The following CHSY3 variants were observed in gnomAD, a reference collection of about 807,000 sequenced individuals.
CHSY3 encodes the protein chondroitin sulfate synthase 3.
In CHSY3, 35 loss-of-function variants were observed where a neutral mutation model predicts 67.2. That is an observed-to-expected ratio of 0.52 (90% CI 0.40 to 0.69). The LOEUF (loss-of-function observed/expected upper bound fraction) is 0.69, where lower values mean the gene tolerates loss of function less well. Among genes scored for constraint, CHSY3 ranks in the 30% least tolerant of loss-of-function variants. The probability of loss-of-function intolerance (pLI) is 0.00; values close to 1 mark genes in which losing one functional copy is unlikely to be tolerated. For missense variants in CHSY3, 1,069 were observed against 1,138.5 expected, an observed-to-expected ratio of 0.94 and a Z score of 0.88; for synonymous variants, 474 against 434.7, an observed-to-expected ratio of 1.09 and a Z score of -1.12.
chr5:130,009,266 C>A (rs763559588), intron 2 of CHSY3, among the ~76,000 whole-genome samples: 3 of 152,122 alleles, frequency 2.0e-5, no homozygotes, highest in Admixed American at 6.5e-5. Context: ...AAGAGAGGAC[C>A]TTTCAGCAGA....
chr5:130,069,866 T>C (rs1766004272), intron 2 of CHSY3, among the ~76,000 whole-genome samples: 1 of 152,144 alleles, frequency 6.6e-6, no homozygotes, highest in African/African-American at 2.4e-5. Flanking sequence ...AGAGAATTCC[T>C]CTGTCATAAA....
At chr5:129,937,646 A>G (rs1317085504) in intron 2 of CHSY3, among the ~76,000 whole-genome samples, 2 of 152,158 alleles carry the variant, frequency 1.3e-5, no homozygotes, top group Admixed American at 6.6e-5. Flanking sequence ...CCTGAAAAAA[A>G]AAAATAGTCA....
intron 2 of CHSY3, among the ~76,000 whole-genome samples, chr5:130,129,032 A>G (rs1187933904): frequency 2.6e-5 from 4 of 151,942 alleles, no homozygotes; most frequent in African/African-American, 4.8e-5. Flanking sequence ...TCAGGCAAAC[A>G]TTTATCTGCT....
chr5:129,948,649 A>T (rs1761936424), intron 2 of CHSY3, among the ~76,000 whole-genome samples: 1 of 152,190 alleles, frequency 6.6e-6, no homozygotes, highest in South Asian at 2.1e-4. Flanking sequence ...ATAAACATGT[A>T]TGTCCAAGTA....
At chr5:130,081,626 G>A (rs953555412) in intron 2 of CHSY3, among the ~76,000 whole-genome samples, 1 of 151,976 alleles carries the variant, frequency 6.6e-6, no homozygotes, top group Non-Finnish European at 1.5e-5. Context: ...TGAATCATGG[G>A]GGCAGGTTTT....
intron 2 of CHSY3, among the ~76,000 whole-genome samples, chr5:129,939,618 A>T (rs1761634446): frequency 6.6e-6 from 1 of 152,216 alleles, no homozygotes; most frequent in South Asian, 2.1e-4. Context: ...TAGAATATGG[A>T]AAGTCTTGTC....
intron 2 of CHSY3, among the ~76,000 whole-genome samples, chr5:129,978,527 A>G (rs73785833): frequency 0.025 from 3,847 of 152,282 alleles, 170 homozygotes; most frequent in African/African-American, 0.088. Context: ...CACCTGCTAC[A>G]TCTTATGTTC....
intron 2 of CHSY3, among the ~76,000 whole-genome samples, chr5:130,137,619 G>A (rs1479215082): frequency 1.3e-5 from 2 of 152,108 alleles, no homozygotes; most frequent in South Asian, 2.1e-4. Context: ...TTATTAACAT[G>A]TATCTAGGTC....
chr5:130,090,061 G>A (rs115295091), intron 2 of CHSY3, among the ~76,000 whole-genome samples: 96 of 152,076 alleles, frequency 6.3e-4, no homozygotes, highest in Middle Eastern at 3.4e-3. Flanking sequence ...TATAGTTCCC[G>A]CGGCTTGCCT....
At chr5:130,079,273 C>G (rs1173925400) in intron 2 of CHSY3, among the ~76,000 whole-genome samples, 1 of 152,074 alleles carries the variant, frequency 6.6e-6, no homozygotes, top group Non-Finnish European at 1.5e-5. Flanking sequence ...ACTTGTATTG[C>G]TTTTACCTCT....
chr5:130,184,360 T>G lies in CHSY3; in HGVS notation c.1218T>G (p.His406Gln). The G allele has an allele frequency of 6.2e-7, 1 of 1,614,134 alleles. No individual in the cohort carries two copies. The highest frequency in any genetic ancestry group is 8.5e-7 in the Non-Finnish European group (1 of 1,179,980). Residue 406 changes from histidine to glutamine, a missense_variant, in exon 3 of 3, where the codon CAT (histidine) becomes CAG (glutamine). This residue lies in a region of CHSY3 where 216 missense variants were observed against 311.5 expected (regional missense o/e 0.69). Coordinates refer to ENST00000305031, the MANE Select transcript of CHSY3 (RefSeq NM_175856.5). Reference sequence around the variant, plus strand: ...GGCCTGCATACCAATACAGGCTGCATAATTACATGCTCAGCCGCAAAATTT... The same window carrying G: ...GGCCTGCATACCAATACAGGCTGCAGAATTACATGCTCAGCCGCAAAATTT... ...NKRPAYQYRL[H>Q]NYMLSRKISE...
chr5:130,152,088 T>C (rs1200038726), intron 2 of CHSY3, among the ~76,000 whole-genome samples: 1 of 152,234 alleles, frequency 6.6e-6, no homozygotes, highest in African/African-American at 2.4e-5. Context: ...AGACACATTT[T>C]AAAAATCAGA....
At chr5:130,107,166 G>A (rs557304878) in intron 2 of CHSY3, among the ~76,000 whole-genome samples, 1 of 151,030 alleles carries the variant, frequency 6.6e-6, no homozygotes, top group African/African-American at 2.4e-5. Context: ...AATGATTCTT[G>A]CTTGTATAAT....
At chr5:130,117,140 A>T (rs1455647167) in intron 2 of CHSY3, among the ~76,000 whole-genome samples, 1 of 152,150 alleles carries the variant, frequency 6.6e-6, no homozygotes, top group African/African-American at 2.4e-5. Context: ...GAGCAATTAG[A>T]TACCTGTATT....
At position 129,908,265 on chromosome 5, in the gene CHSY3, G is replaced by A. The variant is rs1161289817; in HGVS notation, c.991G>A (p.Glu331Lys). The change falls in exon 2 of 3, where the codon GAA becomes AAA. Residue 331 changes from glutamate to lysine, a missense_variant. Glu to Lys is a moderately conservative substitution (Grantham distance 56). Around this residue, in one of 5 missense-constraint regions of CHSY3, gnomAD observed 216 missense variants for 311.5 expected, o/e 0.69. Transcript: ENST00000305031. ...CAGGAGGATGGTGCCACATATTGGT[G>A]AATGCCTTAGAGAAATGTACACGAC... Reference protein sequence around the residue: ...VLRRMVPHIGECLREMYTTHE... With the variant: ...VLRRMVPHIGKCLREMYTTHE... The A allele has an allele frequency of 6.2e-7, 1 of 1,614,128 alleles. No homozygotes were observed. Among genetic ancestry groups the A allele is most frequent in the South Asian group, 1.1e-5 (1 of 91,074 alleles).
At chr5:130,101,189 C>T (rs1410924756) in intron 2 of CHSY3, among the ~76,000 whole-genome samples, 1 of 152,278 alleles carries the variant, frequency 6.6e-6, no homozygotes, top group Non-Finnish European at 1.5e-5. Context: ...ATAAACCATC[C>T]GAGTATTTTT....
At chr5:129,940,317 A>G (rs1317374417) in intron 2 of CHSY3, among the ~76,000 whole-genome samples, 1 of 152,142 alleles carries the variant, frequency 6.6e-6, no homozygotes, top group Non-Finnish European at 1.5e-5. Context: ...AGATGTGATG[A>G]ATCTTTTGAT....
intron 2 of CHSY3, among the ~76,000 whole-genome samples, chr5:129,978,732 T>C (rs1183633774): frequency 6.6e-6 from 1 of 152,140 alleles, no homozygotes; most frequent in Non-Finnish European, 1.5e-5. Flanking sequence ...ACAGTGAGTA[T>C]ATATTATCTC....
chr5:130,014,626 G>T (rs1331284078), intron 2 of CHSY3, among the ~76,000 whole-genome samples: 1 of 152,120 alleles, frequency 6.6e-6, no homozygotes, highest in Non-Finnish European at 1.5e-5. Context: ...ATGACATGTG[G>T]GGATTATGAG....
Sources: gnomAD v4.1 joint callset for allele counts (sites outside exome capture counted in the v4.1 genomes callset) on GRCh38, gnomAD v4.1.1 for gene constraint, gnomAD v4.1.1 regional missense constraint, MANE v1.5 for transcripts, NCBI Gene and HGNC (gene_info 2026-07-23, HGNC 2026-07-21) for gene names.